Variants in CDH13 observed in about 807,000 individuals in gnomAD.
CDH13 encodes the protein cadherin-13.
A neutral mutation model predicts 63.8 loss-of-function variants in CDH13; 24 were observed. The ratio of observed to expected loss-of-function variants is 0.38; its 90% CI spans 0.27 to 0.53. The LOEUF (loss-of-function observed/expected upper bound fraction) is 0.53. Among genes scored for constraint, CDH13 ranks in the 20% least tolerant of loss-of-function variants. CDH13 has a pLI of 0.85. For synonymous variants in CDH13, 503 were observed against 355.3 expected, an observed-to-expected ratio of 1.42 and a Z score of -4.67; for missense variants, 1,049 against 903.1, an observed-to-expected ratio of 1.16 and a Z score of -2.07.
intron 1 of CDH13, among the ~76,000 whole-genome samples, chr16:82,702,349 T>G (rs1249712549): frequency 6.6e-6 from 1 of 152,196 alleles, no homozygotes; most frequent in Non-Finnish European, 1.5e-5. Context: ...AAATACCTAA[T>G]CATAGGATAG....
At position 82,666,107 on chromosome 16, in the gene CDH13, T is replaced by C. The variant is rs574792377; in HGVS notation, c.45+38970T>C. The stretch of plus-strand genomic sequence containing the variant: ...GACTGTGATTCTTAAGTTAATGGCA[T>C]CCCTCTCTGCCTATAACGATCTCAC... On this transcript the variant is annotated intron_variant, in intron 1 of 13. Transcript: ENST00000567109. Among the ~76,000 whole-genome samples, 27 of 152,278 alleles carry C rather than the reference T, an allele frequency of 1.8e-4. No individual in the cohort carries two copies. In the South Asian group the frequency reaches 5.4e-3, roughly 30 times the overall value.
At chr16:83,438,472 G>A (rs568629949) in intron 6 of CDH13, among the ~76,000 whole-genome samples, 2 of 152,216 alleles carry the variant, frequency 1.3e-5, no homozygotes, top group African/African-American at 2.4e-5. Context: ...CCCGGTCACA[G>A]TTGTCTCTTC....
chr16:83,008,513 A>G (rs1482683414), intron 2 of CDH13, among the ~76,000 whole-genome samples: 3 of 152,210 alleles, frequency 2.0e-5, no homozygotes, highest in Non-Finnish European at 4.4e-5. Context: ...AATGCGTACA[A>G]CAAAGTATGT....
intron 1 of CDH13, among the ~76,000 whole-genome samples, chr16:82,704,337 G>A (rs2031302043): frequency 6.6e-6 from 1 of 152,222 alleles, no homozygotes; most frequent in African/African-American, 2.4e-5. Flanking sequence ...CACCCGGATT[G>A]CTCTGGCTCT....
At chr16:82,871,268 AG>A (rs1365832119) in intron 2 of CDH13, among the ~76,000 whole-genome samples, 2 of 152,218 alleles carry the variant, frequency 1.3e-5, no homozygotes, top group Non-Finnish European at 2.9e-5. Flanking sequence ...GTGGTCAGAC[AG>A]GGTGGCTGGC....
At chr16:83,068,866 T>A (rs933824113) in intron 3 of CDH13, among the ~76,000 whole-genome samples, 8 of 152,186 alleles carry the variant, frequency 5.3e-5, no homozygotes, top group African/African-American at 1.9e-4. Context: ...TTCTGGCCAA[T>A]GTCTAAATTT....
At chr16:83,008,586 C>T (rs1369042292) in intron 2 of CDH13, among the ~76,000 whole-genome samples, 2 of 152,088 alleles carry the variant, frequency 1.3e-5, no homozygotes, top group Admixed American at 6.6e-5. Flanking sequence ...TTTCAGTAGA[C>T]GAGTGACACA....
chr16:83,245,828 G>A (rs1904934655), intron 5 of CDH13, among the ~76,000 whole-genome samples: 1 of 152,000 alleles, frequency 6.6e-6, no homozygotes, highest in Admixed American at 6.6e-5. Flanking sequence ...CTGCAGCCAA[G>A]ACCTCCCTGG....
intron 2 of CDH13, among the ~76,000 whole-genome samples, chr16:82,864,561 C>T (rs549323763): frequency 3.9e-5 from 6 of 152,176 alleles, no homozygotes; most frequent in African/African-American, 1.4e-4. Flanking sequence ...CACGAGAACT[C>T]ACTCACTATA....
At chr16:83,481,718 C>G (rs1477979861) in intron 6 of CDH13, among the ~76,000 whole-genome samples, 1 of 152,202 alleles carries the variant, frequency 6.6e-6, no homozygotes, top group Non-Finnish European at 1.5e-5. Context: ...GCTAGTTCAT[C>G]TGGCTCAGGG....
intron 5 of CDH13, among the ~76,000 whole-genome samples, chr16:83,311,650 T>C (rs2090002826): frequency 6.6e-6 from 1 of 152,230 alleles, no homozygotes; most frequent in South Asian, 2.1e-4. Context: ...CTTGTTGTTC[T>C]GTACATAGCA....
At chr16:83,050,458 C>T (rs1483200745) in intron 3 of CDH13, among the ~76,000 whole-genome samples, 3 of 152,086 alleles carry the variant, frequency 2.0e-5, no homozygotes, top group African/African-American at 4.8e-5. Flanking sequence ...TTTAAGACAC[C>T]ATACTGTCCT....
chr16:82,792,921 G>T (rs2036391884), intron 1 of CDH13, among the ~76,000 whole-genome samples: 1 of 137,062 alleles, frequency 7.3e-6, no homozygotes, highest in Non-Finnish European at 1.7e-5. Flanking sequence ...GCACCCATGG[G>T]CTTGGAGGGA....
At chr16:83,216,674 A>G (rs1379305840) in intron 4 of CDH13, among the ~76,000 whole-genome samples, 1 of 145,926 alleles carries the variant, frequency 6.9e-6, no homozygotes, top group Non-Finnish European at 1.5e-5. Context: ...TTTCACATAT[A>G]TAAAACCCCT....
intron 1 of CDH13, among the ~76,000 whole-genome samples, chr16:82,735,261 G>A (rs2033614171): frequency 6.6e-6 from 1 of 152,070 alleles, no homozygotes; most frequent in African/African-American, 2.4e-5. Context: ...CATTTTCCAG[G>A]GTGTACAGAA....
At chr16:83,775,722 A>AC (rs1915063672) in intron 11 of CDH13, among the ~76,000 whole-genome samples, 1 of 151,698 alleles carries the variant, frequency 6.6e-6, no homozygotes, top group Non-Finnish European at 1.5e-5. Flanking sequence ...TGTCTCAAAA[A>AC]TAAAAAAAAA....
chr16:82,809,241 T>C (rs1166809400), intron 1 of CDH13, among the ~76,000 whole-genome samples: 1 of 152,080 alleles, frequency 6.6e-6, no homozygotes, highest in African/African-American at 2.4e-5. Flanking sequence ...GCCAAGCTAT[T>C]ATTACATTAT....
At chr16:83,668,026 G>A (rs1364742160) in intron 8 of CDH13, among the ~76,000 whole-genome samples, 3 of 152,118 alleles carry the variant, frequency 2.0e-5, no homozygotes, top group Non-Finnish European at 2.9e-5. Context: ...GAAGGCAAAG[G>A]TGACTGGGGT....
intron 10 of CDH13, among the ~76,000 whole-genome samples, chr16:83,680,135 G>A (rs1164497566): frequency 6.6e-6 from 1 of 152,210 alleles, no homozygotes; most frequent in African/African-American, 2.4e-5. Context: ...AGGAGCTAGG[G>A]CATCCTTCAG....
Sources: gnomAD v4.1 joint callset for allele counts (sites outside exome capture counted in the v4.1 genomes callset) on GRCh38, gnomAD v4.1.1 for gene constraint, MANE v1.5 for transcripts, NCBI Gene and HGNC (gene_info 2026-07-23, HGNC 2026-07-21) for gene names.